Variants in FMNL2 observed in about 807,000 individuals in gnomAD.
The protein encoded by FMNL2 is formin-like protein 2.
A neutral mutation model predicts 130.2 loss-of-function variants in FMNL2; 51 were observed. The ratio of observed to expected loss-of-function variants is 0.39; its 90% CI spans 0.31 to 0.49. The LOEUF (loss-of-function observed/expected upper bound fraction) is 0.49. FMNL2 is among the 20% of genes least tolerant of loss of function. The pLI is 0.85. For synonymous variants in FMNL2, 465 were observed against 467.1 expected, an observed-to-expected ratio of 1.00 and a Z score of 0.06; for missense variants, 977 against 1,316.2, an observed-to-expected ratio of 0.74 and a Z score of 3.99.
At chr2:152,521,686 G>T (rs781459845) in intron 1 of FMNL2, among the ~76,000 whole-genome samples, 4 of 152,102 alleles carry the variant, frequency 2.6e-5, no homozygotes, top group Non-Finnish European at 5.9e-5. Context: ...CATCACCTTT[G>T]CTAAAATGCA....
At chr2:152,438,365 G>A (rs1176029768) in intron 1 of FMNL2, among the ~76,000 whole-genome samples, 1 of 152,176 alleles carries the variant, frequency 6.6e-6, no homozygotes, top group African/African-American at 2.4e-5. Context: ...CAAGGGCCAC[G>A]CAGGTAACCT....
At chr2:152,586,611 T>C (rs779667883) in intron 9 of FMNL2, among the ~76,000 whole-genome samples, 12 of 152,198 alleles carry the variant, frequency 7.9e-5, no homozygotes, top group Non-Finnish European at 1.2e-4. Context: ...CTCATTGAAC[T>C]ATAAGCAATG....
At chr2:152,380,707 G>C (rs1156522817) in intron 1 of FMNL2, among the ~76,000 whole-genome samples, 1 of 152,176 alleles carries the variant, frequency 6.6e-6, no homozygotes, top group Non-Finnish European at 1.5e-5. Context: ...ATTTGAATCA[G>C]TTGAGAAAAC....
chr2:152,516,335 C>T (rs1692767914), intron 1 of FMNL2, among the ~76,000 whole-genome samples: 1 of 152,040 alleles, frequency 6.6e-6, no homozygotes, highest in South Asian at 2.1e-4. Flanking sequence ...AAAGTAATGA[C>T]TCCTTCTTTT....
chr2:152,579,411 G>A (rs1439104450), intron 8 of FMNL2, among the ~76,000 whole-genome samples: 1 of 152,186 alleles, frequency 6.6e-6, no homozygotes, highest in African/African-American at 2.4e-5. Flanking sequence ...AAAAATAATT[G>A]TAGTGGCCAG....
chr2:152,482,029 C>T (rs978223768), intron 1 of FMNL2, among the ~76,000 whole-genome samples: 1 of 152,148 alleles, frequency 6.6e-6, no homozygotes, highest in Non-Finnish European at 1.5e-5. Flanking sequence ...AGTGGATTTG[C>T]TCTGGTGACC....
At chr2:152,556,814 A>G (rs1334056913) in intron 4 of FMNL2, among the ~76,000 whole-genome samples, 1 of 152,092 alleles carries the variant, frequency 6.6e-6, no homozygotes, top group Non-Finnish European at 1.5e-5. Context: ...CTTAGCTCCT[A>G]AATTAGTGTG....
intron 1 of FMNL2, among the ~76,000 whole-genome samples, chr2:152,403,161 C>A (rs1685801571): frequency 6.6e-6 from 1 of 151,414 alleles, no homozygotes; most frequent in African/African-American, 2.4e-5. Context: ...TGTGACTTAT[C>A]ACATGCTGAT....
In FMNL2 at chr2:152,564,776, G is replaced by GTTTTTTTTTTT. The variant is rs56378937; in HGVS notation, c.596+3753_596+3763dup. ...CACTGCGTTCTAAAATACAAGGTTG[G>GTTTTTTTTTTT]TTTTTTTTTTTTTTTTTTTTTTAAC... On this transcript the variant is annotated intron_variant, in intron 6 of 25. Coordinates refer to ENST00000288670, the MANE Select transcript of FMNL2 (RefSeq NM_052905.4). Among the ~76,000 whole-genome samples, 165 of 79,312 alleles carry GTTTTTTTTTTT rather than the reference G, an allele frequency of 2.1e-3. 11 individuals carry two copies. The highest frequency in any genetic ancestry group is 3.1e-3 in the South Asian group (6 of 1,926). 52.0% of individuals were successfully genotyped at this position (79,312 alleles called of 152,430 possible). A position where few individuals can be genotyped will look rare whatever the true frequency, so the allele number is the denominator to read the frequency against.
rs150424019 is a variant in FMNL2 at position 152,603,785 on chromosome 2, C to A, written c.877-3554C>A. The stretch of plus-strand genomic sequence containing the variant: ...TGCAGGGGCAGTGGGTCCATTCCTG[C>A]GGCATTCCTATGATATCCAATTATA... On this transcript the variant is annotated intron_variant, in intron 9 of 25. Transcript: ENST00000288670. Among the ~76,000 whole-genome samples the A allele has an allele frequency of 9.3e-5, 14 of 151,078 alleles. 2 individuals are homozygous for A. The East Asian group carries it at 2.8e-3, about 31-fold the overall frequency.
At chr2:152,545,614 G>A (rs1694583925) in intron 3 of FMNL2, among the ~76,000 whole-genome samples, 1 of 152,124 alleles carries the variant, frequency 6.6e-6, no homozygotes, top group South Asian at 2.1e-4. Flanking sequence ...CGCTGCAGTT[G>A]TGAGATGAAA....
chr2:152,607,006 G>GTTTTTTTTTTTTTTTTTT lies in FMNL2; in HGVS notation c.877-332_877-315dup, dbSNP rs58237890. 1.5e-4 allele frequency among the ~76,000 whole-genome samples: 13 copies of GTTTTTTTTTTTTTTTTTT among 84,876 alleles called. No individual in the cohort carries two copies. The East Asian group carries it at 2.0e-3, about 13-fold the overall frequency. 55.7% of individuals were successfully genotyped at this position (84,876 alleles called of 152,430 possible). A position where few individuals can be genotyped will look rare whatever the true frequency, so the allele number is the denominator to read the frequency against. On this transcript the variant is annotated intron_variant, in intron 9 of 25. Transcript: ENST00000288670. ...GAAGCTATGGTCGTTTTTTTTTTTTGTTTTTTTTTTTTTTTTTTACCATGA... is the reference window on the plus strand; with the variant it reads ...GAAGCTATGGTCGTTTTTTTTTTTTGTTTTTTTTTTTTTTTTTTTTTTTTTTTTTTTTTTTTACCATGA...
rs115566879 is a variant in FMNL2, at chr2:152,584,838, C to T, written c.876+3789C>T. 1.8e-3 allele frequency among the ~76,000 whole-genome samples: 269 copies of T among 152,158 alleles called. 2 individuals are homozygous for T. Among genetic ancestry groups the T allele is most frequent in the African/African-American group, 6.1e-3 (255 of 41,516 alleles). ...CTTATATTTTTTTTCCTTAAAAAAT[C>T]TTGCTACAAATCTTGTAATAGCTGA... On this transcript the variant is annotated intron_variant, in intron 9 of 25. Coordinates refer to ENST00000288670, the MANE Select transcript of FMNL2 (RefSeq NM_052905.4).
At chr2:152,452,023 C>G (rs1377809002) in intron 1 of FMNL2, among the ~76,000 whole-genome samples, 5 of 152,130 alleles carry the variant, frequency 3.3e-5, no homozygotes, top group South Asian at 2.1e-4. Context: ...ATTTGTATGC[C>G]CATTTCATTT....
rs374147789 is a variant in FMNL2, at chr2:152,460,726, T to C, written c.118-61217T>C. 2.6e-4 allele frequency among the ~76,000 whole-genome samples: 39 copies of C among 152,222 alleles called. 1 individual carries two copies. The highest frequency in any genetic ancestry group is 9.4e-4 in the African/African-American group (39 of 41,514). ...CATTAGATTCTCATAGGAGTGTGAA[T>C]CCTATTGTGAACTGCACGTGTGAGG... On this transcript the variant is annotated intron_variant, in intron 1 of 25. Coordinates refer to ENST00000288670, the MANE Select transcript of FMNL2 (RefSeq NM_052905.4).
intron 1 of FMNL2, among the ~76,000 whole-genome samples, chr2:152,509,199 A>G (rs1457742184): frequency 6.6e-6 from 1 of 152,242 alleles, no homozygotes; most frequent in Admixed American, 6.5e-5. Context: ...CTCCAAATAG[A>G]CAAACATTGA....
chr2:152,475,053 T>TTGG (rs1398267680), intron 1 of FMNL2, among the ~76,000 whole-genome samples: 1 of 152,250 alleles, frequency 6.6e-6, no homozygotes, highest in Non-Finnish European at 1.5e-5. Context: ...CCTGTTTGCT[T>TTGG]ATCTATAAAG....
intron 2 of FMNL2, among the ~76,000 whole-genome samples, chr2:152,538,077 A>T (rs1327692355): frequency 6.6e-6 from 1 of 152,214 alleles, no homozygotes; most frequent in Non-Finnish European, 1.5e-5. Flanking sequence ...TCAGAGAAAC[A>T]AAAAGTACTG....
At chr2:152,491,518 A>G (rs934575677) in intron 1 of FMNL2, among the ~76,000 whole-genome samples, 1 of 152,238 alleles carries the variant, frequency 6.6e-6, no homozygotes, top group African/African-American at 2.4e-5. Flanking sequence ...TAAATTGACC[A>G]CAAGAAATTT....
Sources: gnomAD v4.1 joint callset for allele counts (sites outside exome capture counted in the v4.1 genomes callset) on GRCh38, gnomAD v4.1.1 for gene constraint, MANE v1.5 for transcripts, NCBI Gene and HGNC (gene_info 2026-07-23, HGNC 2026-07-21) for gene names.